Variants in SGK3 observed in about 807,000 individuals in gnomAD.
SGK3 encodes serum/glucocorticoid regulated kinase family member 3.
Under a neutral mutation model 68.5 loss-of-function variants are expected in SGK3, and 47 were observed. The observed-to-expected ratio is 0.69, with a 90% CI of 0.54 to 0.87. The LOEUF is 0.87. Ranked by LOEUF, SGK3 falls within the 40% of genes least tolerant of loss-of-function variation. The pLI is 0.00. For missense variants in SGK3, 479 were observed against 575.5 expected (o/e 0.83, Z 1.72); for synonymous variants, 181 against 189.1 (o/e 0.96, Z 0.35).
chr8:66,807,462 A>G (rs1808213080), intron 4 of SGK3, among the ~76,000 whole-genome samples: 1 of 152,206 alleles, frequency 6.6e-6, no homozygotes, highest in African/African-American at 2.4e-5. Flanking sequence ...GTTTTGATGA[A>G]TTAATTGACA....
intron 1 of SGK3, among the ~76,000 whole-genome samples, chr8:66,785,535 A>G (rs1253153809): frequency 6.6e-6 from 1 of 151,918 alleles, no homozygotes; most frequent in Non-Finnish European, 1.5e-5. Flanking sequence ...GATGCTTAAC[A>G]TCATCCCTGA....
chr8:66,767,072 C>T lies in SGK3; in HGVS notation c.-121-26544C>T, dbSNP rs769262182. Among the ~76,000 whole-genome samples, 6 of 152,254 alleles carry T rather than the reference C, an allele frequency of 3.9e-5. No individual in the cohort carries two copies. In the South Asian group the frequency reaches 6.2e-4, roughly 16 times the overall value. Reference sequence around the variant, plus strand: ...GTTGGTCAGGCTGGTCTCAAACTCCCGACCTCAGGTGATCCGCCTGCCTCA... The same window carrying T: ...GTTGGTCAGGCTGGTCTCAAACTCCTGACCTCAGGTGATCCGCCTGCCTCA... On this transcript the variant is annotated intron_variant, in intron 1 of 16. Coordinates refer to ENST00000521198, the MANE Select transcript of SGK3 (RefSeq NM_001033578.3).
intron 1 of SGK3, chr8:66,737,608 C>G (rs1479954872): frequency 6.6e-6 from 1 of 152,460 alleles, no homozygotes; most frequent in Admixed American, 6.6e-5. Flanking sequence ...CGGACCCAGA[C>G]CCCTTTATCT....
intron 5 of SGK3, 123 bp downstream of exon 5, chr8:66,814,051 T>A: frequency 1.5e-6 from 1 of 686,136 alleles, no homozygotes; most frequent in Non-Finnish European, 2.1e-6. Flanking sequence ...TTGTAAAATC[T>A]TCTTTGAGCA....
chr8:66,789,843 T>G (rs1032708394), intron 1 of SGK3, among the ~76,000 whole-genome samples: 6 of 152,142 alleles, frequency 3.9e-5, no homozygotes, highest in African/African-American at 1.4e-4. Flanking sequence ...TTTGGGAGAC[T>G]GATATGGGCA....
At chr8:66,751,081 C>T (rs1007671593) in intron 1 of SGK3, among the ~76,000 whole-genome samples, 51 of 151,680 alleles carry the variant, frequency 3.4e-4, no homozygotes, top group African/African-American at 1.1e-3. Context: ...GGGCGGATCA[C>T]GAGGTCAGGA....
In SGK3 at chr8:66,723,131, A is replaced by ATTTTT. The variant is rs1177940065; in HGVS notation, c.-122+10315_-122+10319dup. 5.0e-3 allele frequency among the ~76,000 whole-genome samples: 147 copies of ATTTTT among 29,498 alleles called. 20 individuals are homozygous for ATTTTT. Among genetic ancestry groups the ATTTTT allele is most frequent in the Middle Eastern group, 0.036 (1 of 28 alleles). The allele number at this position is 29,498 out of a possible 152,430, so 19.4% of individuals were successfully genotyped here. A position where few individuals can be genotyped will look rare whatever the true frequency, so the allele number is the denominator to read the frequency against. On this transcript the variant is annotated intron_variant, in intron 1 of 16. Coordinates refer to ENST00000521198, the MANE Select transcript of SGK3 (RefSeq NM_001033578.3). ...TATATATATATATATATATATATAT[A>ATTTTT]TTTTTTTTTTTTTTTTTTTTTGTAA...
chr8:66,851,008 T>C, intron 16 of SGK3, 88 bp downstream of exon 16: 1 of 1,340,336 alleles, frequency 7.5e-7, no homozygotes, highest in Non-Finnish European at 1.0e-6. Flanking sequence ...CAGAATCACC[T>C]GAATTAAATG....
At chr8:66,790,541 A>T (rs931505545) in intron 1 of SGK3, among the ~76,000 whole-genome samples, 19 of 152,186 alleles carry the variant, frequency 1.2e-4, no homozygotes, top group African/African-American at 4.6e-4. Flanking sequence ...TTGCAGGATT[A>T]TATATTGAAT....
chr8:66,747,370 A>C (rs569342655), intron 1 of SGK3, among the ~76,000 whole-genome samples: 1 of 152,342 alleles, frequency 6.6e-6, no homozygotes, highest in South Asian at 2.1e-4. Context: ...GTAATTACTT[A>C]GAATAAAAGA....
At chr8:66,848,214 A>G (rs1301511519) in intron 15 of SGK3, among the ~76,000 whole-genome samples, 1 of 152,122 alleles carries the variant, frequency 6.6e-6, no homozygotes, top group East Asian at 1.9e-4. Flanking sequence ...CCCTTGGTCC[A>G]TTTATTGAAT....
intron 1 of SGK3, among the ~76,000 whole-genome samples, chr8:66,727,097 C>T (rs1292141162): frequency 4.6e-5 from 7 of 151,966 alleles, no homozygotes; most frequent in Non-Finnish European, 5.9e-5. Context: ...CATGTTAGAT[C>T]TGAATTCCTT....
chr8:66,816,377 G>A (rs1406352206), intron 5 of SGK3, among the ~76,000 whole-genome samples: 3 of 110,570 alleles, frequency 2.7e-5, no homozygotes, highest in Non-Finnish European at 5.3e-5. Flanking sequence ...ACGGAGTCTT[G>A]CTCTGTAGCC....
In SGK3 at chr8:66,723,115, ATATATATATATATATATTTT is replaced by A. The variant is rs1465320873; in HGVS notation, c.-122+10284_-122+10303del. On this transcript the variant is annotated intron_variant, in intron 1 of 16. Transcript: ENST00000521198. ...CATATATATATATATATATATATATATATATATATATATATATTTTTTTTTTTTTTTTTTTTTGTAAAAGG... is the reference window on the plus strand; with the variant it reads ...CATATATATATATATATATATATATATTTTTTTTTTTTTTTTTGTAAAAGG... Among the ~76,000 whole-genome samples, 178 of 48,742 alleles carry A rather than the reference ATATATATATATATATATTTT, an allele frequency of 3.7e-3. 7 individuals are homozygous for A. In the East Asian group the frequency reaches 0.077, roughly 21 times the overall value. The allele number at this position is 48,742 out of a possible 152,430, so 32.0% of individuals were successfully genotyped here.
chr8:66,831,206 A>T, intron 7 of SGK3, 48 bp from the exon 8 acceptor site: 1 of 1,601,322 alleles, frequency 6.2e-7, no homozygotes, highest in South Asian at 1.1e-5. Flanking sequence ...TTAAAAGTTA[A>T]TATTTCCAAT....
intron 6 of SGK3, 110 bp from the exon 7 acceptor site, chr8:66,828,544 T>C: frequency 6.7e-7 from 1 of 1,496,212 alleles, no homozygotes; most frequent in Non-Finnish European, 9.2e-7. Context: ...TTCTTTAACA[T>C]GGCAACAAAC....
intron 1 of SGK3, among the ~76,000 whole-genome samples, chr8:66,790,086 GA>G (rs902883678): frequency 6.6e-6 from 1 of 151,412 alleles, no homozygotes; most frequent in Non-Finnish European, 1.5e-5. Flanking sequence ...TCAAAAAAAA[GA>G]AAAAAAATAG....
At chr8:66,850,975 A>G in intron 16 of SGK3, 55 bp downstream of exon 16, 9 of 1,515,314 alleles carry the variant, frequency 5.9e-6, no homozygotes, top group Non-Finnish European at 8.0e-6. Context: ...ATAGCAGTTC[A>G]TTGTAAGTTT....
At chr8:66,755,426 T>A (rs1229790586) in intron 1 of SGK3, among the ~76,000 whole-genome samples, 1 of 152,212 alleles carries the variant, frequency 6.6e-6, no homozygotes, top group Non-Finnish European at 1.5e-5. Flanking sequence ...CTGCAACCTG[T>A]CGCATGATGT....
Sources: gnomAD v4.1 joint callset for allele counts (sites outside exome capture counted in the v4.1 genomes callset) on GRCh38, gnomAD v4.1.1 for gene constraint, MANE v1.5 for transcripts, NCBI Gene and HGNC (gene_info 2026-07-23, HGNC 2026-07-21) for gene names.